The following RIPOR2 variants were observed in gnomAD, a reference collection of about 807,000 sequenced individuals.
The protein encoded by RIPOR2 is rho family-interacting cell polarization regulator 2.
Under a neutral mutation model 114.5 loss-of-function variants are expected in RIPOR2, and 39 were observed. That is an observed-to-expected ratio of 0.34 (90% CI 0.26 to 0.44). The LOEUF (loss-of-function observed/expected upper bound fraction) is 0.44. RIPOR2 is among the 20% of genes least tolerant of loss of function. The pLI, the probability that RIPOR2 is intolerant of heterozygous loss-of-function variation, is 1.00. For missense variants in RIPOR2, 1,007 were observed against 1,255.1 expected, an observed-to-expected ratio of 0.80 and a Z score of 2.99; for synonymous variants, 445 against 484.4, an observed-to-expected ratio of 0.92 and a Z score of 1.07.
intron 1 of RIPOR2, among the ~76,000 whole-genome samples, chr6:24,957,966 T>A (rs1355917236): frequency 6.6e-6 from 1 of 152,120 alleles, no homozygotes; most frequent in Non-Finnish European, 1.5e-5. Context: ...GTAAACTGGA[T>A]CAGTCTTTCT....
intron 13 of RIPOR2, 123 bp from the exon 14 acceptor site, chr6:24,839,395 AT>A: frequency 7.0e-7 from 1 of 1,437,800 alleles, no homozygotes; most frequent in Non-Finnish European, 9.2e-7. Flanking sequence ...TTTTGTTAGC[AT>A]TTAAAAAATG....
chr6:25,002,856 T>A (rs948787172), intron 1 of RIPOR2, among the ~76,000 whole-genome samples: 6 of 152,180 alleles, frequency 3.9e-5, no homozygotes, highest in Non-Finnish European at 7.4e-5. Flanking sequence ...CTGAGAAAGA[T>A]TAAACAGCCA....
chr6:24,865,100 G>A lies in RIPOR2; in HGVS notation c.651+201C>T, dbSNP rs4711066. 0.82 allele frequency among the ~76,000 whole-genome samples: 123,996 copies of A among 151,700 alleles called. 50,723 individuals are homozygous for A. The highest frequency in any genetic ancestry group is 0.84 in the Middle Eastern group (248 of 294). ...ATAACTAGGACTACAGGCACATGCC[G>A]CCACTCCCAGCTTATTCATTCATTT... On this transcript the variant is annotated intron_variant, in intron 7 of 21. Coordinates refer to ENST00000643898, the MANE Select transcript of RIPOR2 (RefSeq NM_001286445.3).
intron 1 of RIPOR2, among the ~76,000 whole-genome samples, chr6:24,884,305 AG>A (rs1288000072): frequency 6.6e-6 from 1 of 152,170 alleles, no homozygotes; most frequent in Non-Finnish European, 1.5e-5. Context: ...GCTACTCGGG[AG>A]GCTGAGGCAG....
intron 1 of RIPOR2, among the ~76,000 whole-genome samples, chr6:24,997,963 A>C (rs1775119089): frequency 2.6e-5 from 4 of 152,204 alleles, no homozygotes; most frequent in African/African-American, 9.7e-5. Flanking sequence ...AGGGCCACTA[A>C]CTAAAGGGGA....
chr6:24,835,800 G>A lies in RIPOR2; in HGVS notation c.2111C>T (p.Thr704Ile). 1 of 1,551,554 alleles carries A rather than the reference G, an allele frequency of 6.4e-7. No individual in the cohort carries two copies. The highest frequency in any genetic ancestry group is 8.7e-7 in the Non-Finnish European group (1 of 1,146,934). ...EALTEDTGVG[T>I]SVAGSPLPLT... The stretch of plus-strand genomic sequence containing the variant: ...TGGGAGAGGACTTCCTGCCACACTG[G>A]TCCCAACTCCTGTGTCTTCAGTGAG... The change falls in exon 15 of 22, where the codon ACC becomes ATC. Residue 704 changes from threonine to isoleucine, a missense_variant. By Grantham distance (89) the Thr-to-Ile change is moderately conservative. Coordinates refer to ENST00000643898, the MANE Select transcript of RIPOR2 (RefSeq NM_001286445.3).
chr6:24,923,881 A>G (rs1770676457), intron 1 of RIPOR2, among the ~76,000 whole-genome samples: 5 of 152,088 alleles, frequency 3.3e-5, no homozygotes, highest in Admixed American at 3.3e-4. Flanking sequence ...ATAAATAAAC[A>G]AATAAATGAA....
intron 14 of RIPOR2, among the ~76,000 whole-genome samples, chr6:24,836,474 CA>C (rs1386802830): frequency 6.6e-6 from 1 of 152,216 alleles, no homozygotes; most frequent in Non-Finnish European, 1.5e-5. Flanking sequence ...GAAGTTATAT[CA>C]TGGTAGGCAC....
chr6:24,917,503 A>G (rs577915933), intron 1 of RIPOR2, among the ~76,000 whole-genome samples: 6 of 152,268 alleles, frequency 3.9e-5, no homozygotes, highest in African/African-American at 1.2e-4. Context: ...GCACAATGCT[A>G]AGTACTTGAT....
chr6:25,000,583 G>A (rs147795851), intron 1 of RIPOR2, among the ~76,000 whole-genome samples: 1 of 151,724 alleles, frequency 6.6e-6, no homozygotes, highest in African/African-American at 2.4e-5. Context: ...AACAATGTTA[G>A]GCTACATTGT....
At chr6:24,807,819 C>T (rs766253000) in intron 21 of RIPOR2, among the ~76,000 whole-genome samples, 5 of 152,084 alleles carry the variant, frequency 3.3e-5, no homozygotes, top group South Asian at 2.1e-4. Flanking sequence ...TTTAAGTGCC[C>T]GCAATGACCT....
At chr6:25,001,659 T>C in intron 1 of RIPOR2, among the ~76,000 whole-genome samples, 1 of 139,778 alleles carries the variant, frequency 7.2e-6, no homozygotes. Context: ...ACGGAGTAAA[T>C]ATTTTAGGCT....
intron 11 of RIPOR2, among the ~76,000 whole-genome samples, chr6:24,848,968 G>A (rs141925130): frequency 0.015 from 2,280 of 152,266 alleles, 22 homozygotes; most frequent in African/African-American, 0.029. Flanking sequence ...GCAATGGCAC[G>A]ATCTCAGCTC....
intron 1 of RIPOR2, among the ~76,000 whole-genome samples, chr6:24,958,025 T>C (rs17672535): frequency 0.033 from 4,954 of 152,282 alleles, 103 homozygotes; most frequent in Non-Finnish European, 0.051. Context: ...TTTGATCTAG[T>C]AATGTCTTTT....
At chr6:24,875,585 CCG>C (rs2113899407) in intron 2 of RIPOR2, 104 bp downstream of exon 2, 1 of 998,068 alleles carries the variant, frequency 1.0e-6, no homozygotes, top group South Asian at 1.6e-5. Context: ...GGGGAGGAGG[CCG>C]GGGGGCGGTT....
chr6:25,007,631 T>C (rs775398754), intron 1 of RIPOR2, among the ~76,000 whole-genome samples: 30 of 152,048 alleles, frequency 2.0e-4, no homozygotes, highest in Non-Finnish European at 3.7e-4. Flanking sequence ...CTCTCTGACC[T>C]TATTCTTCTT....
intron 1 of RIPOR2, among the ~76,000 whole-genome samples, chr6:24,901,885 A>G (rs2817726): frequency 0.47 from 71,748 of 152,074 alleles, 19,908 homozygotes; most frequent in African/African-American, 0.78. Context: ...AGACATTGAT[A>G]TTACATCACA....
At chr6:24,998,137 C>G (rs1775130290) in intron 1 of RIPOR2, among the ~76,000 whole-genome samples, 1 of 152,040 alleles carries the variant, frequency 6.6e-6, no homozygotes, top group African/African-American at 2.4e-5. Flanking sequence ...ACTGCCAAGC[C>G]CCTCTTTTTC....
chr6:24,915,047 T>G (rs535762616), intron 1 of RIPOR2, among the ~76,000 whole-genome samples: 2 of 152,348 alleles, frequency 1.3e-5, no homozygotes, highest in South Asian at 4.1e-4. Context: ...TGGCTTCTAT[T>G]CTTACAGGTG....
Sources: gnomAD v4.1 joint callset for allele counts (sites outside exome capture counted in the v4.1 genomes callset) on GRCh38, gnomAD v4.1.1 for gene constraint, MANE v1.5 for transcripts, NCBI Gene and HGNC (gene_info 2026-07-23, HGNC 2026-07-21) for gene names.